The following MBIP variants were observed in gnomAD, a reference collection of about 807,000 sequenced individuals.
The protein encoded by MBIP is MAP3K12 binding inhibitory protein 1, also known as MAP3K12-binding inhibitory protein 1.
A neutral mutation model predicts 45.7 loss-of-function variants in MBIP; 32 were observed. The ratio of observed to expected loss-of-function variants is 0.70; its 90% confidence interval spans 0.53 to 0.94. MBIP has a LOEUF of 0.94. Ranked by LOEUF, MBIP falls within the 40% of genes least tolerant of loss-of-function variation. The pLI is 0.00. For missense variants in MBIP, 381 were observed against 405.5 expected, an observed-to-expected ratio of 0.94 and a Z score of 0.52; for synonymous variants, 145 against 141.0, an observed-to-expected ratio of 1.03 and a Z score of -0.20.
At position 36,311,739 on chromosome 14, in the gene MBIP, CT is replaced by C; in HGVS notation, c.638-15del. ...CAACTCTAGAAACTAAATTAAGAAA[CT>C]TTTGAGCCTATATACATTTGTATTT... On this transcript the variant is annotated splice_polypyrimidine_tract_variant and intron_variant, in intron 5 of 8. Coordinates refer to ENST00000416007, the MANE Select transcript of MBIP (RefSeq NM_016586.3). 2 of 1,580,412 alleles carry C rather than the reference CT, an allele frequency of 1.3e-6. No individual in the cohort carries two copies. The highest frequency in any genetic ancestry group is 1.7e-6 in the Non-Finnish European group (2 of 1,164,652).
intron 6 of MBIP, 142 bp downstream of exon 6, chr14:36,311,431 A>G (rs1594517002): frequency 1.5e-6 from 1 of 668,666 alleles, no homozygotes; most frequent in East Asian, 2.7e-5. Flanking sequence ...GAATTGACAT[A>G]CACATAACAC....
chr14:36,299,857 T>C (rs1443654818), intron 8 of MBIP, among the ~76,000 whole-genome samples: 2 of 152,172 alleles, frequency 1.3e-5, no homozygotes, highest in African/African-American at 2.4e-5. Flanking sequence ...CCCTCACTTA[T>C]ATATTAATAT....
intron 4 of MBIP, 23 bp from the exon 5 acceptor site, chr14:36,312,047 T>C (rs771171303): frequency 1.5e-6 from 2 of 1,357,386 alleles, no homozygotes; most frequent in East Asian, 2.4e-5. Context: ...TAGATAAATA[T>C]AAGTTTAAAT....
Position 36,312,432 on chromosome 14 carries a change from C to T in MBIP, c.572-408G>A, listed in dbSNP as rs151324560. ...ATTCAGCATTTTTTATTTTAATGAC[C>T]AAATTAGTGAACATCCAACAAAAAG... On this transcript the variant is annotated intron_variant, in intron 4 of 8. Coordinates refer to ENST00000416007, the MANE Select transcript of MBIP (RefSeq NM_016586.3). Among the ~76,000 whole-genome samples the T allele has an allele frequency of 7.8e-3, 1,184 of 152,016 alleles. 18 individuals carry two copies. The highest frequency in any genetic ancestry group is 0.026 in the African/African-American group (1,079 of 41,472).
At position 36,311,990 on chromosome 14, in the gene MBIP, G is replaced by C. The variant is rs745691228; in HGVS notation, c.606C>G (p.Thr202=). 1.1e-5 allele frequency: 17 copies of C among 1,593,480 alleles called. No individual in the cohort carries two copies. The highest frequency in any genetic ancestry group is 1.7e-4 in the Middle Eastern group (1 of 6,016). ...CGTGACTTTTAAATCCGGGGTAAGG[G>C]GTAAAAATCGCATCAGTTCTTGCAC... The part of the protein sequence containing the change: ...NSCARTDAIF[T]PYPGFKSHVK... The change falls in exon 5 of 9, where the codon ACC becomes ACG. Residue 202 remains threonine (T), a synonymous_variant. Transcript: ENST00000416007.
chr14:36,302,775 CTGTT>C (rs1281530535), intron 7 of MBIP, among the ~76,000 whole-genome samples: 1 of 152,116 alleles, frequency 6.6e-6, no homozygotes, highest in Non-Finnish European at 1.5e-5. Flanking sequence ...ATTAACTTTA[CTGTT>C]TGTTTTAGGT....
In MBIP at chr14:36,300,804, C is replaced by A; in HGVS notation, c.908G>T (p.Arg303Ile). Residue 303 changes from arginine (R) to isoleucine (I), a missense_variant, in exon 8 of 9, where the codon AGA (arginine) becomes ATA (isoleucine). Arg to Ile is a moderately conservative substitution (Grantham distance 97, BLOSUM62 -3). Transcript: ENST00000416007. ...ACTTACTTGAGGTGGTTGAACTTTT[C>A]TTCTTTTTCCAGAAAAGCTCTAGAT... The part of the protein sequence containing the change: ...FQSVSFSGKR[R>I]KVQPPQQNYS... The A allele has an allele frequency of 6.5e-7, 1 of 1,543,988 alleles. No homozygotes were observed. Among genetic ancestry groups the A allele is most frequent in the Non-Finnish European group, 8.8e-7 (1 of 1,138,096 alleles).
chr14:36,304,305 C>T (rs975614392), intron 7 of MBIP, among the ~76,000 whole-genome samples: 2 of 152,206 alleles, frequency 1.3e-5, no homozygotes, highest in Non-Finnish European at 2.9e-5. Context: ...CAGCCAAGTC[C>T]TATCCATTCA....
At position 36,320,567 on chromosome 14, in the gene MBIP, T is replaced by C. The variant is rs768673915; in HGVS notation, c.22A>G (p.Asn8Asp). 5 of 1,612,546 alleles carry C rather than the reference T, an allele frequency of 3.1e-6. No individual in the cohort carries two copies. Among genetic ancestry groups the C allele is most frequent in the African/African-American group, 2.7e-5 (2 of 74,888 alleles). Residue 8 changes from asparagine (N) to aspartate (D), a missense_variant, in exon 1 of 9, where the codon AAT becomes GAT. Asn to Asp is a conservative substitution (Grantham distance 23). Coordinates refer to ENST00000416007, the MANE Select transcript of MBIP (RefSeq NM_016586.3). ...TTCCTGTCACCGCTGCTCGGGCGAT[T>C]AAGCTCCGTGGCAGCAGCCATGATA... MAAATEL[N>D]RPSSGDRNLE...
In MBIP at chr14:36,311,632, C is replaced by T. The variant is rs1566552384; in HGVS notation, c.731G>A (p.Gly244Asp). 5 of 1,613,492 alleles carry T rather than the reference C, an allele frequency of 3.1e-6. No individual in the cohort carries two copies. Among genetic ancestry groups the T allele is most frequent in the African/African-American group, 1.3e-5 (1 of 75,002 alleles). Residue 244 changes from glycine to aspartate, a missense_variant, in exon 6 of 9, where the codon GGT (glycine) becomes GAT (aspartate). Transcript: ENST00000416007. ...HKPNSMLRDC[G>D]NQAVEERLQN... Reference sequence around the variant, plus strand: ...TAGTCGTTCTTCTACAGCCTGATTACCACAGTCTCGAAGCATGCTGTTAGG... The same window carrying T: ...TAGTCGTTCTTCTACAGCCTGATTATCACAGTCTCGAAGCATGCTGTTAGG...
chr14:36,300,568 G>T (rs898110950), intron 8 of MBIP, among the ~76,000 whole-genome samples: 1 of 152,082 alleles, frequency 6.6e-6, no homozygotes, highest in Non-Finnish European at 1.5e-5. Context: ...ACTAAAAGCA[G>T]GACAAAGGTT....
chr14:36,300,649 T>C, intron 8 of MBIP, 136 bp downstream of exon 8: 1 of 575,780 alleles, frequency 1.7e-6, no homozygotes, highest in Non-Finnish European at 3.1e-6. Context: ...TATTAGTTTA[T>C]ACTGCCCTTT....
At chr14:36,313,496 T>G (rs1015847546) in intron 4 of MBIP, 11 of 152,146 alleles carry the variant, frequency 7.2e-5, no homozygotes, top group African/African-American at 2.4e-4. Context: ...TAGTGACACA[T>G]GTGCTTGCTC....
chr14:36,301,360 T>C (rs565235465), intron 7 of MBIP, among the ~76,000 whole-genome samples: 1 of 152,334 alleles, frequency 6.6e-6, no homozygotes, highest in African/African-American at 2.4e-5. Context: ...CCCGGTCTTG[T>C]CAGTGACTGA....
intron 4 of MBIP, chr14:36,314,252 A>T (rs1880399646): frequency 2.8e-6 from 1 of 356,776 alleles, no homozygotes; most frequent in East Asian, 5.0e-5. Flanking sequence ...CATTTCCTAA[A>T]GGAACTTTAA....
At position 36,306,503 on chromosome 14, in the gene MBIP, C is replaced by T. The variant is rs1879888706; in HGVS notation, c.888+1589G>A. Among the ~76,000 whole-genome samples, 4 of 152,144 alleles carry T rather than the reference C, an allele frequency of 2.6e-5. No individual in the cohort carries two copies. In the South Asian group the frequency reaches 8.3e-4, roughly 32 times the overall value. On this transcript the variant is annotated intron_variant, in intron 7 of 8. Transcript: ENST00000416007. ...GGTCAGGCTGGTCTTGAACTCCCGA[C>T]CTCTGGTGATCCGCCCACCTTGGCC... is the stretch of plus-strand genomic sequence containing the variant.
chr14:36,314,487 T>C (rs775915568), intron 4 of MBIP, 25 bp downstream of exon 4: 4 of 1,484,892 alleles, frequency 2.7e-6, no homozygotes, highest in South Asian at 1.2e-5. Flanking sequence ...TAAAACCCTA[T>C]GAAAATTAAT....
At chr14:36,299,267 T>C in intron 8 of MBIP, 77 bp from the exon 9 acceptor site, 1 of 913,640 alleles carries the variant, frequency 1.1e-6, no homozygotes, top group Non-Finnish European at 1.7e-6. Flanking sequence ...AAATGAACTA[T>C]AAATATTTAA....
rs1259894421 is a variant in MBIP at position 36,314,713 on chromosome 14, T to C, written c.452A>G (p.Gln151Arg). The C allele has an allele frequency of 6.2e-7, 1 of 1,613,530 alleles. No homozygotes were observed. The highest frequency in any genetic ancestry group is 8.5e-7 in the Non-Finnish European group (1 of 1,179,650). ...TACTTCTGCTTTTCCAGCCTTTATC[T>C]GAACTACTTCTGGATCAAAATGGAT... ...TQIHFDPEVV[Q>R]IKAGKAEIDR... The change falls in exon 3 of 9, where the codon CAG becomes CGG. Residue 151 changes from glutamine to arginine, a missense_variant. Physicochemically the swap from Gln to Arg is conservative, Grantham distance 43 (BLOSUM62 1). Transcript: ENST00000416007.
Sources: allele counts gnomAD v4.1 joint callset (sites outside exome capture counted in the v4.1 genomes callset), GRCh38; gene constraint gnomAD v4.1.1; transcripts MANE v1.5; gene names NCBI Gene and HGNC (gene_info 2026-07-23, HGNC 2026-07-21).